Variants in HS3ST4 observed in about 807,000 individuals in gnomAD.
HS3ST4 encodes the protein heparan sulfate glucosamine 3-O-sulfotransferase 4.
Under a neutral mutation model 29.2 loss-of-function variants are expected in HS3ST4, and 17 were observed. That is an observed-to-expected ratio of 0.58 (90% CI 0.40 to 0.87). The LOEUF (loss-of-function observed/expected upper bound fraction) is 0.87. Ranked by LOEUF, HS3ST4 falls within the 40% of genes least tolerant of loss-of-function variation. The probability of loss-of-function intolerance (pLI) is 0.00; values close to 1 mark genes in which losing one functional copy is unlikely to be tolerated. For missense variants in HS3ST4, 627 were observed against 634.5 expected (o/e 0.99, Z 0.13); for synonymous variants, 314 against 285.7 (o/e 1.10, Z -1.00).
intron 1 of HS3ST4, among the ~76,000 whole-genome samples, chr16:26,021,680 T>A (rs887317535): frequency 1.9e-4 from 29 of 151,736 alleles, no homozygotes; most frequent in African/African-American, 6.3e-4. Flanking sequence ...TATTATTATT[T>A]TTGAGACAGA....
chr16:25,698,184 G>A (rs1170320647), intron 1 of HS3ST4, among the ~76,000 whole-genome samples: 1 of 152,180 alleles, frequency 6.6e-6, no homozygotes, highest in Non-Finnish European at 1.5e-5. Context: ...GCCGTTCTCA[G>A]CCTCCCAAAG....
chr16:25,802,973 C>G (rs868568269), intron 1 of HS3ST4, among the ~76,000 whole-genome samples: 1 of 143,008 alleles, frequency 7.0e-6, no homozygotes, highest in Non-Finnish European at 1.6e-5. Flanking sequence ...GTATATATTT[C>G]TTTCTCTGTT....
chr16:25,891,401 C>A (rs556414878), intron 1 of HS3ST4, among the ~76,000 whole-genome samples: 1 of 152,212 alleles, frequency 6.6e-6, no homozygotes, highest in South Asian at 2.1e-4. Context: ...TTCAGCTGGG[C>A]AAACTTAAAG....
At chr16:25,927,185 C>G (rs1216800123) in intron 1 of HS3ST4, among the ~76,000 whole-genome samples, 2 of 152,094 alleles carry the variant, frequency 1.3e-5, no homozygotes, top group Non-Finnish European at 2.9e-5. Flanking sequence ...AGGCAATGGC[C>G]CAGGGAATAT....
At chr16:25,930,724 A>G (rs1463949929) in intron 1 of HS3ST4, among the ~76,000 whole-genome samples, 3 of 152,090 alleles carry the variant, frequency 2.0e-5, no homozygotes, top group East Asian at 1.9e-4. Flanking sequence ...TTAAATATTG[A>G]CAAAGATATA....
At chr16:25,989,079 C>T (rs1969091252) in intron 1 of HS3ST4, among the ~76,000 whole-genome samples, 2 of 152,062 alleles carry the variant, frequency 1.3e-5, no homozygotes, top group African/African-American at 2.4e-5. Flanking sequence ...AGACAGAAAA[C>T]GGAAGCAAGG....
intron 1 of HS3ST4, among the ~76,000 whole-genome samples, chr16:25,821,127 G>A (rs1157192480): frequency 6.8e-6 from 1 of 147,314 alleles, no homozygotes; most frequent in Non-Finnish European, 1.5e-5. Context: ...GTGCGATCTC[G>A]GCTCACTGCA....
At chr16:25,773,706 T>C (rs1966844960) in intron 1 of HS3ST4, among the ~76,000 whole-genome samples, 1 of 152,200 alleles carries the variant, frequency 6.6e-6, no homozygotes, top group South Asian at 2.1e-4. Context: ...CATGGATGAA[T>C]TGTATAGAGG....
At chr16:26,036,610 T>C (rs971630486) in intron 1 of HS3ST4, among the ~76,000 whole-genome samples, 1 of 152,182 alleles carries the variant, frequency 6.6e-6, no homozygotes. Context: ...GAAAGGAAGA[T>C]TAGATGTACT....
chr16:25,757,599 A>G (rs189982951), intron 1 of HS3ST4, among the ~76,000 whole-genome samples: 3 of 149,120 alleles, frequency 2.0e-5, no homozygotes, highest in Admixed American at 1.3e-4. Flanking sequence ...TATAATATAT[A>G]TAATAGAGAG....
chr16:25,917,414 C>T (rs1968303757), intron 1 of HS3ST4, among the ~76,000 whole-genome samples: 1 of 152,012 alleles, frequency 6.6e-6, no homozygotes, highest in Non-Finnish European at 1.5e-5. Flanking sequence ...GGTTTCACAA[C>T]ATTGGCCAGG....
intron 1 of HS3ST4, among the ~76,000 whole-genome samples, chr16:25,957,685 C>T (rs769131373): frequency 1.3e-5 from 2 of 152,252 alleles, no homozygotes; most frequent in African/African-American, 2.4e-5. Context: ...TCCCAAAGTA[C>T]TGGCATTACA....
At position 25,926,485 on chromosome 16, in the gene HS3ST4, C is replaced by T. The variant is rs569788116; in HGVS notation, c.735-209127C>T. Among the ~76,000 whole-genome samples, 3 of 152,368 alleles carry T rather than the reference C, an allele frequency of 2.0e-5. No individual in the cohort carries two copies. In the East Asian group the frequency reaches 5.8e-4, roughly 29 times the overall value. ...CAGTCTGTGTATGACTGGGCACACACATGAGTTAAATTCACTTGATCTAGA... is the reference window on the plus strand; with the variant it reads ...CAGTCTGTGTATGACTGGGCACACATATGAGTTAAATTCACTTGATCTAGA... On this transcript the variant is annotated intron_variant, in intron 1 of 1. Transcript: ENST00000331351.
At chr16:25,871,817 A>G (rs1967755557) in intron 1 of HS3ST4, among the ~76,000 whole-genome samples, 1 of 152,122 alleles carries the variant, frequency 6.6e-6, no homozygotes, top group Non-Finnish European at 1.5e-5. Flanking sequence ...AAGGTCCTGG[A>G]TCAGGCTAGA....
chr16:25,776,094 T>C (rs1016231856), intron 1 of HS3ST4, among the ~76,000 whole-genome samples: 2 of 152,204 alleles, frequency 1.3e-5, no homozygotes, highest in Admixed American at 1.3e-4. Flanking sequence ...TTAGTACTGA[T>C]GGCTGGTTCC....
chr16:26,081,550 G>A (rs1898723890), intron 1 of HS3ST4, among the ~76,000 whole-genome samples: 1 of 152,156 alleles, frequency 6.6e-6, no homozygotes, highest in Non-Finnish European at 1.5e-5. Flanking sequence ...CATTGATAAA[G>A]TAAGTATATA....
chr16:25,842,096 T>G (rs1226651769), intron 1 of HS3ST4, among the ~76,000 whole-genome samples: 3 of 152,226 alleles, frequency 2.0e-5, no homozygotes, highest in Non-Finnish European at 1.5e-5. Flanking sequence ...ATTTTGGACT[T>G]TTTATCGTAT....
chr16:25,920,339 C>T (rs1476834738), intron 1 of HS3ST4, among the ~76,000 whole-genome samples: 3 of 152,130 alleles, frequency 2.0e-5, no homozygotes, highest in Non-Finnish European at 4.4e-5. Flanking sequence ...CATCTGGCTC[C>T]ATCAAAGCCG....
At chr16:26,060,143 G>A (rs772952283) in intron 1 of HS3ST4, among the ~76,000 whole-genome samples, 7 of 152,048 alleles carry the variant, frequency 4.6e-5, no homozygotes, top group Non-Finnish European at 8.8e-5. Context: ...GTGCATTAGA[G>A]GTTTCCTTAT....
Sources: gnomAD v4.1 joint callset for allele counts (sites outside exome capture counted in the v4.1 genomes callset) on GRCh38, gnomAD v4.1.1 for gene constraint, MANE v1.5 for transcripts, NCBI Gene and HGNC (gene_info 2026-07-23, HGNC 2026-07-21) for gene names.